CADPS: variants seen among roughly 807,000 people sequenced by gnomAD.
The protein encoded by CADPS is calcium-dependent secretion activator 1.
Under a neutral mutation model 167.3 loss-of-function variants are expected in CADPS, and 57 were observed. The observed-to-expected ratio is 0.34, with a 90% CI of 0.28 to 0.42. The LOEUF (loss-of-function observed/expected upper bound fraction) is 0.42, where lower values mean the gene tolerates loss of function less well. CADPS is among the 20% of genes least tolerant of loss of function. CADPS has a pLI of 1.00. For synonymous variants in CADPS, 676 were observed against 635.3 expected (o/e 1.06, Z -0.96); for missense variants, 1,414 against 1,738.1 (o/e 0.81, Z 3.32).
At chr3:62,463,454 C>G (rs1480055152) in intron 26 of CADPS, among the ~76,000 whole-genome samples, 1 of 152,232 alleles carries the variant, frequency 6.6e-6, no homozygotes, top group Admixed American at 6.5e-5. Context: ...TTCACCATTT[C>G]CAGGACTTCA....
chr3:62,843,492 G>GGTGGGTGTGTGTGTGTGT, intron 1 of CADPS, among the ~76,000 whole-genome samples: 1 of 149,114 alleles, frequency 6.7e-6, no homozygotes, highest in African/African-American at 2.5e-5. Context: ...TGGCAGTTGG[G>GGTGGGTGTGTGTGTGTGT]GTGTGTGTGT....
chr3:62,453,767 G>C (rs570476086), intron 26 of CADPS, among the ~76,000 whole-genome samples: 1 of 152,296 alleles, frequency 6.6e-6, no homozygotes. Flanking sequence ...AGTATATCTG[G>C]AATCATAGAC....
chr3:62,410,108 A>T (rs967260547), intron 28 of CADPS, among the ~76,000 whole-genome samples: 2 of 152,178 alleles, frequency 1.3e-5, no homozygotes, highest in African/African-American at 2.4e-5. Flanking sequence ...AAGTGAGGGA[A>T]ATATTTCACC....
intron 21 of CADPS, 121 bp from the exon 22 acceptor site, chr3:62,481,990 A>C: frequency 9.0e-5 from 83 of 922,144 alleles, no homozygotes; most frequent in Non-Finnish European, 1.2e-4. Context: ...GCAAAAACTC[A>C]AGCGACACAC....
chr3:62,865,947 A>C (rs1000486075), intron 1 of CADPS, among the ~76,000 whole-genome samples: 1 of 152,160 alleles, frequency 6.6e-6, no homozygotes, highest in Admixed American at 6.6e-5. Context: ...CAACTTTGGC[A>C]ACATTGTGGC....
intron 3 of CADPS, among the ~76,000 whole-genome samples, chr3:62,682,459 C>G (rs1007591634): frequency 2.0e-5 from 3 of 152,046 alleles, no homozygotes; most frequent in African/African-American, 7.2e-5. Context: ...TCTTCCCACT[C>G]TAAATTTGAG....
intron 21 of CADPS, among the ~76,000 whole-genome samples, chr3:62,485,787 A>G (rs1207457817): frequency 6.6e-6 from 1 of 152,332 alleles, no homozygotes; most frequent in East Asian, 1.9e-4. Context: ...TCAAATGTGT[A>G]TATGTGTCTG....
chr3:62,612,707 T>A (rs2061668071), intron 6 of CADPS, among the ~76,000 whole-genome samples: 1 of 152,200 alleles, frequency 6.6e-6, no homozygotes, highest in Non-Finnish European at 1.5e-5. Flanking sequence ...TGATAGAGAA[T>A]GGGAGACAAG....
intron 13 of CADPS, among the ~76,000 whole-genome samples, chr3:62,529,771 A>G (rs1338263599): frequency 1.3e-5 from 2 of 152,224 alleles, no homozygotes; most frequent in Non-Finnish European, 2.9e-5. Context: ...TTCAGGACTT[A>G]GAAATATTCA....
chr3:62,471,003 C>A (rs1052752356), intron 24 of CADPS, among the ~76,000 whole-genome samples: 1 of 152,126 alleles, frequency 6.6e-6, no homozygotes, highest in African/African-American at 2.4e-5. Flanking sequence ...TGTTTCATGT[C>A]AAAAATGTTA....
At chr3:62,477,317 T>G (rs1403808476) in intron 23 of CADPS, among the ~76,000 whole-genome samples, 1 of 148,482 alleles carries the variant, frequency 6.7e-6, no homozygotes, top group African/African-American at 2.5e-5. Flanking sequence ...AATCTGGGTT[T>G]TTTTTTTTTT....
intron 4 of CADPS, among the ~76,000 whole-genome samples, chr3:62,661,214 T>G (rs1240075194): frequency 6.6e-6 from 1 of 152,166 alleles, no homozygotes; most frequent in Non-Finnish European, 1.5e-5. Context: ...TTCTATATAC[T>G]GGGAGACTCA....
intron 9 of CADPS, among the ~76,000 whole-genome samples, chr3:62,558,463 T>C (rs1178468418): frequency 6.6e-6 from 1 of 152,264 alleles, no homozygotes; most frequent in Non-Finnish European, 1.5e-5. Context: ...GCATATTTAC[T>C]ATCCACGGAT....
intron 1 of CADPS, among the ~76,000 whole-genome samples, chr3:62,790,473 G>C (rs899208043): frequency 2.7e-4 from 41 of 152,052 alleles, no homozygotes; most frequent in African/African-American, 9.7e-4. Flanking sequence ...TATTTTGAAA[G>C]AGTATAAGAA....
rs2094684541 is a variant in CADPS, at chr3:62,817,568, CTA to C, written c.442-51586_442-51585del. Among the ~76,000 whole-genome samples the C allele has an allele frequency of 2.0e-5, 3 of 152,258 alleles. No homozygotes were observed. The East Asian group carries it at 5.8e-4, about 29-fold the overall frequency. ...TCCTTTAATCCCTTAGAACCATGAGCTATGAGTCAAAACAACTTCCAAATCTG... is the reference window on the plus strand; with the variant it reads ...TCCTTTAATCCCTTAGAACCATGAGCTGAGTCAAAACAACTTCCAAATCTG... On this transcript the variant is annotated intron_variant, in intron 1 of 29. Coordinates refer to ENST00000383710, the MANE Select transcript of CADPS (RefSeq NM_003716.4).
chr3:62,646,311 C>T (rs956984500), intron 5 of CADPS, among the ~76,000 whole-genome samples: 9 of 151,722 alleles, frequency 5.9e-5, no homozygotes, highest in African/African-American at 2.2e-4. Context: ...ATTACAGGTG[C>T]ACGCCACCAT....
intron 6 of CADPS, among the ~76,000 whole-genome samples, chr3:62,644,574 C>T (rs2150043760): frequency 6.6e-6 from 1 of 152,306 alleles, no homozygotes; most frequent in South Asian, 2.1e-4. Flanking sequence ...TAACAACTTC[C>T]TCATGGTATG....
intron 6 of CADPS, among the ~76,000 whole-genome samples, chr3:62,627,638 G>A (rs1236582221): frequency 6.6e-5 from 5 of 75,230 alleles, no homozygotes; most frequent in Non-Finnish European, 1.1e-4. Flanking sequence ...TGGTAATACA[G>A]AATTAAAAAA....
chr3:62,760,173 A>T (rs564916430), intron 2 of CADPS, among the ~76,000 whole-genome samples: 1 of 152,260 alleles, frequency 6.6e-6, no homozygotes, highest in South Asian at 2.1e-4. Flanking sequence ...TATGGACACC[A>T]TACCACCATG....
Sources: gnomAD v4.1 joint callset for allele counts (sites outside exome capture counted in the v4.1 genomes callset) on GRCh38, gnomAD v4.1.1 for gene constraint, MANE v1.5 for transcripts, NCBI Gene and HGNC (gene_info 2026-07-23, HGNC 2026-07-21) for gene names.